The following SLC26A8 variants were observed in gnomAD, a reference collection of about 807,000 sequenced individuals.
SLC26A8 encodes the protein testis anion transporter 1.
In SLC26A8, 70 loss-of-function variants were observed where a neutral mutation model predicts 105.0. The observed-to-expected ratio is 0.67, with a 90% CI of 0.55 to 0.81. The LOEUF (loss-of-function observed/expected upper bound fraction) is 0.81. Among genes scored for constraint, SLC26A8 ranks in the 40% least tolerant of loss-of-function variants. SLC26A8 has a pLI of 0.00. For synonymous variants in SLC26A8, 415 were observed against 438.3 expected (o/e 0.95, Z 0.66); for missense variants, 998 against 1,181.8 (o/e 0.84, Z 2.28).
At chr6:35,994,103 T>C (rs1015660386) in intron 5 of SLC26A8, among the ~76,000 whole-genome samples, 2 of 138,754 alleles carry the variant, frequency 1.4e-5, no homozygotes, top group Non-Finnish European at 3.1e-5. Context: ...GTGTCTCCCT[T>C]TTTTTTTCTT....
intron 5 of SLC26A8, among the ~76,000 whole-genome samples, chr6:35,993,171 T>G (rs1283521943): frequency 3.3e-5 from 3 of 92,074 alleles, no homozygotes; most frequent in African/African-American, 1.0e-4. Context: ...TTTTTTTTTT[T>G]TTTTTGATAG....
chr6:35,950,051 C>G (rs1038180604), intron 19 of SLC26A8, among the ~76,000 whole-genome samples: 1 of 152,130 alleles, frequency 6.6e-6, no homozygotes, highest in Non-Finnish European at 1.5e-5. Flanking sequence ...CCTGCCTTGG[C>G]CTCCCAAAGT....
chr6:36,019,934 A>G (rs1370335927), intron 1 of SLC26A8, among the ~76,000 whole-genome samples: 1 of 152,216 alleles, frequency 6.6e-6, no homozygotes, highest in Non-Finnish European at 1.5e-5. Flanking sequence ...TTGCTGTTTG[A>G]TACTTATTAG....
chr6:36,011,523 C>A lies in SLC26A8; in HGVS notation c.328+710G>T, dbSNP rs188345339. 2.6e-5 allele frequency among the ~76,000 whole-genome samples: 4 copies of A among 152,324 alleles called. No homozygotes were observed. In the East Asian group the frequency reaches 7.7e-4, roughly 29 times the overall value. On this transcript the variant is annotated intron_variant, in intron 3 of 19. Transcript: ENST00000490799. ...GTGATCTTGTTGTCTTACATCTGAA[C>A]TGCTACTTGGAAGACCAAAGAGTGA...
Position 36,023,406 on chromosome 6 carries a change from G to A in SLC26A8, c.-3+1098C>T, listed in dbSNP as rs146810373. On this transcript the variant is annotated intron_variant, in intron 1 of 19. Transcript: ENST00000490799. ...TCTAATAAAAATACAAAAATTAGCC[G>A]AGCATGATGGCGTGCCTGTAGTCCT... Among the ~76,000 whole-genome samples the A allele has an allele frequency of 4.6e-3, 692 of 151,822 alleles. 1 individual carries two copies. The highest frequency in any genetic ancestry group is 0.016 in the African/African-American group (643 of 41,410).
chr6:35,967,174 G>A (rs73729633), intron 11 of SLC26A8, among the ~76,000 whole-genome samples: 3,501 of 152,198 alleles, frequency 0.023, 145 homozygotes, highest in African/African-American at 0.08. Context: ...TGGCTCCAAG[G>A]TCCTTGAATC....
intron 7 of SLC26A8, chr6:35,990,314 G>T: frequency 3.4e-6 from 1 of 297,036 alleles, no homozygotes; most frequent in South Asian, 3.3e-5. Context: ...TCTGAAGGCT[G>T]AGGTTTGGGT....
chr6:35,976,549 G>GTTTTTTTTTTTT (rs1773037656), intron 9 of SLC26A8, among the ~76,000 whole-genome samples: 1 of 139,828 alleles, frequency 7.2e-6, no homozygotes, highest in African/African-American at 2.9e-5. Context: ...AGAAGCCCTC[G>GTTTTTTTTTTTT]CTTTTTTTTT....
rs750125619 is a variant in SLC26A8, at chr6:35,999,951, A to C, written c.445+41T>G. ...AGCAATAAGTATATGATCAAGATGG[A>C]AACTTCATCCACCGCATGTGTATTT... is the stretch of plus-strand genomic sequence containing the variant. On this transcript the variant is annotated intron_variant, in intron 4 of 19. Coordinates refer to ENST00000490799, the MANE Select transcript of SLC26A8 (RefSeq NM_052961.4). 2.1e-5 allele frequency: 28 copies of C among 1,360,824 alleles called. No homozygotes were observed. The Admixed American group carries it at 4.7e-4, about 23-fold the overall frequency. 84.3% of individuals were successfully genotyped at this position (1,360,824 alleles called of 1,614,324 possible).
At chr6:35,965,479 A>C (rs1772472161) in intron 11 of SLC26A8, among the ~76,000 whole-genome samples, 1 of 151,522 alleles carries the variant, frequency 6.6e-6, no homozygotes, top group African/African-American at 2.4e-5. Flanking sequence ...TGGGGGTTCG[A>C]GACCAGCCTG....
rs770065425 is a variant in SLC26A8, at chr6:36,000,012, G to A, written c.425C>T (p.Ser142Leu). 44 of 1,613,156 alleles carry A rather than the reference G, an allele frequency of 2.7e-5. No homozygotes were observed. The highest frequency in any genetic ancestry group is 3.6e-5 in the Non-Finnish European group (43 of 1,179,368). ...CSSVIYVIFGSCHQMSIGSFF... is the reference protein window; with the variant it reads ...CSSVIYVIFGLCHQMSIGSFF... ...CTCACCAATGGACATTTGATGACAC[G>A]ATCCAAAAATTACATAGATTACCGA... The change falls in exon 4 of 20, where the codon TCG becomes TTG. Residue 142 changes from serine (S) to leucine (L), a missense_variant. Ser to Leu is a moderately radical substitution (Grantham distance 145). Transcript: ENST00000490799.
At chr6:36,002,779 G>A (rs1761562200) in intron 3 of SLC26A8, among the ~76,000 whole-genome samples, 1 of 149,006 alleles carries the variant, frequency 6.7e-6, no homozygotes, top group African/African-American at 2.5e-5. Context: ...ATCTTGGCTT[G>A]CTGCAACCTC....
rs189677862 is a variant in SLC26A8, at chr6:36,019,686, C to A, written c.22G>T (p.Ala8Ser). 6.2e-7 allele frequency: 1 copy of A among 1,613,266 alleles called. No homozygotes were observed. The highest frequency in any genetic ancestry group is 8.5e-7 in the Non-Finnish European group (1 of 1,179,584). Reference sequence around the variant, plus strand: ...GACTTAGAGCTGAAGCCAGAGATGGCGCTCCTCTCTAGTTGTGCCATTCCT... The same window carrying A: ...GACTTAGAGCTGAAGCCAGAGATGGAGCTCCTCTCTAGTTGTGCCATTCCT... MAQLERS[A>S]ISGFSSKSRR... The change falls in exon 2 of 20, where the codon GCC becomes TCC. Residue 8 changes from alanine (A) to serine (S), a missense_variant. Transcript: ENST00000490799.
At chr6:36,018,037 A>C (rs912786713) in intron 2 of SLC26A8, among the ~76,000 whole-genome samples, 1 of 152,224 alleles carries the variant, frequency 6.6e-6, no homozygotes, top group African/African-American at 2.4e-5. Flanking sequence ...GAAAATAACA[A>C]ATGTTGGAGA....
intron 5 of SLC26A8, among the ~76,000 whole-genome samples, chr6:35,997,347 T>G (rs1761383065): frequency 6.6e-6 from 1 of 152,118 alleles, no homozygotes; most frequent in Non-Finnish European, 1.5e-5. Flanking sequence ...TCATCTGAGG[T>G]GGAACAGTTT....
rs1562010795 is a variant in SLC26A8 at position 35,944,130 on chromosome 6, TGGTCTC to T, written c.2677_2682del (p.Glu893_Thr894del). On this transcript the variant is annotated inframe_deletion, in exon 20 of 20. Transcript: ENST00000490799. Reference sequence around the variant, plus strand: ...TGGGGCTCCATCTCGGTCTGGGTCTTGGTCTCGGTCTCAGCCTTGGGCTCCATTTCA... The same window carrying T: ...TGGGGCTCCATCTCGGTCTGGGTCTTGGTCTCAGCCTTGGGCTCCATTTCA... The T allele has an allele frequency of 6.2e-7, 1 of 1,614,094 alleles. No homozygotes were observed. Among genetic ancestry groups the T allele is most frequent in the Non-Finnish European group, 8.5e-7 (1 of 1,180,008 alleles).
chr6:35,968,094 C>T (rs934711100), intron 11 of SLC26A8, among the ~76,000 whole-genome samples: 1 of 152,030 alleles, frequency 6.6e-6, no homozygotes, highest in African/African-American at 2.4e-5. Context: ...GTGATCTGCA[C>T]ACCTTGGCCT....
chr6:35,985,988 C>G (rs143970483), intron 7 of SLC26A8, among the ~76,000 whole-genome samples: 1 of 145,696 alleles, frequency 6.9e-6, no homozygotes, highest in Admixed American at 6.9e-5. Flanking sequence ...ATGGCTGAAT[C>G]GAGCTATTAA....
chr6:35,989,142 T>G (rs1288664835), intron 7 of SLC26A8, among the ~76,000 whole-genome samples: 2 of 151,992 alleles, frequency 1.3e-5, no homozygotes, highest in African/African-American at 4.8e-5. Context: ...ACCCGGCCAG[T>G]TCTATATGTT....
Sources: allele counts gnomAD v4.1 joint callset (sites outside exome capture counted in the v4.1 genomes callset), GRCh38; gene constraint gnomAD v4.1.1; transcripts MANE v1.5; gene names NCBI Gene and HGNC (gene_info 2026-07-23, HGNC 2026-07-21).